ACTR3C: variants seen among roughly 807,000 people sequenced by gnomAD.
ACTR3C encodes the protein actin-related protein 3C.
ACTR3C carries 18 observed loss-of-function variants against 26.3 expected under a neutral mutation model. That is an observed-to-expected ratio of 0.68 (90% confidence interval 0.47 to 1.01). The LOEUF (loss-of-function observed/expected upper bound fraction) is 1.01, where lower values mean the gene tolerates loss of function less well. Ranked by LOEUF, ACTR3C falls within the 50% of genes least tolerant of loss-of-function variation. ACTR3C has a pLI of 0.00. For missense variants in ACTR3C, 184 were observed against 250.7 expected, an observed-to-expected ratio of 0.73 and a Z score of 1.80; for synonymous variants, 55 against 94.5, an observed-to-expected ratio of 0.58 and a Z score of 2.42.
chr7:150,095,487 A>G, the ACTR3C span, among the ~76,000 whole-genome samples: 1 of 150,798 alleles, frequency 6.6e-6, no homozygotes, highest in Non-Finnish European at 1.5e-5. Flanking sequence ...GGTCTCCAAG[A>G]TGAAATCTGA....
At chr7:150,153,164 G>A in the ACTR3C span, among the ~76,000 whole-genome samples, 38 of 152,086 alleles carry the variant, frequency 2.5e-4, no homozygotes, top group African/African-American at 7.2e-4. Context: ...AGGCATGGGC[G>A]AGGACTTCAT....
At chr7:150,033,466 G>C in the ACTR3C span, among the ~76,000 whole-genome samples, 35 of 152,312 alleles carry the variant, frequency 2.3e-4, 1 homozygote, top group Admixed American at 2.1e-3. Flanking sequence ...GCCGTCGGAA[G>C]ATTTGAACTT....
chr7:150,014,644 T>C, the ACTR3C span, among the ~76,000 whole-genome samples: 1 of 149,506 alleles, frequency 6.7e-6, no homozygotes, highest in African/African-American at 2.4e-5. Context: ...ACTGAGCCAT[T>C]ATGCTGCCTC....
chr7:149,924,244 G>A, the ACTR3C span, among the ~76,000 whole-genome samples: 2 of 149,640 alleles, frequency 1.3e-5, no homozygotes, highest in Non-Finnish European at 2.9e-5. Context: ...GTGTGATGGC[G>A]GGCGCCTGTA....
the ACTR3C span, chr7:150,001,327 A>G: frequency 6.6e-6 from 1 of 152,120 alleles, no homozygotes; most frequent in Admixed American, 6.5e-5. Flanking sequence ...CTTTGATCCT[A>G]CACAGGCAGA....
At chr7:150,206,410 T>A in the ACTR3C span, among the ~76,000 whole-genome samples, 17 of 152,170 alleles carry the variant, frequency 1.1e-4, no homozygotes, top group Admixed American at 3.9e-4. Context: ...GGGTTTTTTT[T>A]ATTTTATTAT....
At chr7:150,113,132 G>A in the ACTR3C span, among the ~76,000 whole-genome samples, 3 of 151,718 alleles carry the variant, frequency 2.0e-5, no homozygotes, top group Admixed American at 1.3e-4. Context: ...TGAGTCCTCC[G>A]ACGGTGGCTG....
At chr7:149,991,434 C>T in the ACTR3C span, among the ~76,000 whole-genome samples, 1 of 152,244 alleles carries the variant, frequency 6.6e-6, no homozygotes, top group African/African-American at 2.4e-5. Context: ...AAAGGCTGGT[C>T]GTTATTTGCA....
At chr7:150,031,600 C>G in the ACTR3C span, among the ~76,000 whole-genome samples, 3 of 152,186 alleles carry the variant, frequency 2.0e-5, no homozygotes, top group Non-Finnish European at 4.4e-5. Context: ...ACACAGGACT[C>G]AGGCTTCTCC....
At chr7:150,086,331 T>C in the ACTR3C span, among the ~76,000 whole-genome samples, 3 of 152,276 alleles carry the variant, frequency 2.0e-5, no homozygotes, top group Non-Finnish European at 4.4e-5. Context: ...TTCATGGTCA[T>C]AGATAAGGTT....
downstream of ACTR3C, chr7:150,244,244 A>G (rs1397595343): frequency 1.3e-5 from 1 of 76,562 alleles, no homozygotes; most frequent in Non-Finnish European, 2.3e-5. Context: ...GTCTTAGAAT[A>G]TTGAATATTC....
intron 1 of ACTR3C, among the ~76,000 whole-genome samples, chr7:150,301,397 C>T (rs775346674): frequency 3.6e-4 from 55 of 152,260 alleles, no homozygotes; most frequent in Non-Finnish European, 4.3e-4. Flanking sequence ...TCAGATTAAC[C>T]CTGGCTCCCT....
chr7:150,078,457 A>T, the ACTR3C span, among the ~76,000 whole-genome samples: 1 of 149,516 alleles, frequency 6.7e-6, no homozygotes, highest in Non-Finnish European at 1.5e-5. Flanking sequence ...TATAAATGAA[A>T]TTAGCATCTT....
chr7:150,111,418 TACAC>T, the ACTR3C span, among the ~76,000 whole-genome samples: 2 of 97,686 alleles, frequency 2.0e-5, no homozygotes, highest in South Asian at 3.2e-4. Context: ...CACGTGTGTG[TACAC>T]ACAATCACAC....
the ACTR3C span, among the ~76,000 whole-genome samples, chr7:150,197,542 G>A: frequency 6.6e-6 from 1 of 152,146 alleles, no homozygotes; most frequent in Non-Finnish European, 1.5e-5. Context: ...TTAAAGTTGG[G>A]TGTAACCCTC....
chr7:149,927,700 T>C, the ACTR3C span, among the ~76,000 whole-genome samples: 8 of 150,042 alleles, frequency 5.3e-5, no homozygotes, highest in South Asian at 1.5e-3. Flanking sequence ...TCTACTCCAG[T>C]CTGAACAATG....
the ACTR3C span, among the ~76,000 whole-genome samples, chr7:149,998,191 A>G: frequency 6.6e-6 from 1 of 151,254 alleles, no homozygotes; most frequent in Non-Finnish European, 1.5e-5. Context: ...CTGGAGCTCA[A>G]TGCTGTAAGC....
At chr7:150,285,052 G>A (rs1835660807) in intron 5 of ACTR3C, among the ~76,000 whole-genome samples, 2 of 152,194 alleles carry the variant, frequency 1.3e-5, no homozygotes, top group Non-Finnish European at 1.5e-5. Context: ...GAGGTAAAAT[G>A]TATGGATTTA....
intron 1 of ACTR3C, among the ~76,000 whole-genome samples, chr7:150,298,131 G>A (rs1795093165): frequency 6.6e-6 from 1 of 150,878 alleles, no homozygotes; most frequent in African/African-American, 2.5e-5. Context: ...AGAAGGAAGG[G>A]GAGGCAAGAA....
Sources: gnomAD v4.1 joint callset for allele counts (sites outside exome capture counted in the v4.1 genomes callset) on GRCh38, gnomAD v4.1.1 for gene constraint, MANE v1.5 for transcripts, NCBI Gene and HGNC (gene_info 2026-07-23, HGNC 2026-07-21) for gene names.